TTC28: variants seen among roughly 807,000 people sequenced by gnomAD.
TTC28 encodes the protein tetratricopeptide repeat protein 28.
Under a neutral mutation model 198.0 loss-of-function variants are expected in TTC28, and 61 were observed. The observed-to-expected ratio is 0.31, with a 90% CI of 0.25 to 0.38. TTC28 has a LOEUF of 0.38. Among genes scored for constraint, TTC28 ranks in the 10% least tolerant of loss-of-function variants. The probability of loss-of-function intolerance (pLI) is 1.00; values close to 1 mark genes in which losing one functional copy is unlikely to be tolerated. For missense variants in TTC28, 2,678 were observed against 3,164.0 expected, an observed-to-expected ratio of 0.85 and a Z score of 3.69; for synonymous variants, 1,171 against 1,297.8, an observed-to-expected ratio of 0.90 and a Z score of 2.10.
At chr22:28,129,466 G>C (rs1254625452) in intron 6 of TTC28, among the ~76,000 whole-genome samples, 1 of 152,196 alleles carries the variant, frequency 6.6e-6, no homozygotes, top group Admixed American at 6.5e-5. Context: ...CTTGCAAAGA[G>C]CAGGAGCTTG....
intron 5 of TTC28, among the ~76,000 whole-genome samples, chr22:28,209,578 G>A (rs1029025300): frequency 2.0e-4 from 31 of 152,194 alleles, no homozygotes; most frequent in African/African-American, 6.3e-4. Flanking sequence ...AGGCAGCAGC[G>A]AGGCTGGGGG....
chr22:28,308,530 T>C (rs1453617227), intron 2 of TTC28, among the ~76,000 whole-genome samples: 1 of 152,138 alleles, frequency 6.6e-6, no homozygotes, highest in African/African-American at 2.4e-5. Context: ...AAAACATTAC[T>C]TACTTGAGAG....
At chr22:28,606,895 C>T (rs1042028156) in intron 2 of TTC28, among the ~76,000 whole-genome samples, 2 of 152,132 alleles carry the variant, frequency 1.3e-5, no homozygotes, top group African/African-American at 4.8e-5. Flanking sequence ...GGATTTAGTT[C>T]ATGGTGGTGA....
At chr22:28,283,325 TACACACACACACAC>T (rs35766225) in intron 5 of TTC28, among the ~76,000 whole-genome samples, 2 of 149,540 alleles carry the variant, frequency 1.3e-5, no homozygotes, top group African/African-American at 4.9e-5. Flanking sequence ...CTTTCTCTCT[TACACACACACACAC>T]ACACACACAC....
intron 2 of TTC28, among the ~76,000 whole-genome samples, chr22:28,427,880 T>C (rs1442949949): frequency 6.6e-6 from 1 of 152,118 alleles, no homozygotes; most frequent in African/African-American, 2.4e-5. Flanking sequence ...TCCTTTTTAA[T>C]TGTAGGACTT....
At chr22:28,003,394 G>C (rs1372870304) in intron 14 of TTC28, among the ~76,000 whole-genome samples, 1 of 152,192 alleles carries the variant, frequency 6.6e-6, no homozygotes, top group Non-Finnish European at 1.5e-5. Context: ...AGAATGGGTA[G>C]TGTGGGGCTT....
At chr22:28,380,564 T>C (rs951527134) in intron 2 of TTC28, among the ~76,000 whole-genome samples, 1 of 152,186 alleles carries the variant, frequency 6.6e-6, no homozygotes, top group Non-Finnish European at 1.5e-5. Context: ...CAGTCTCTTA[T>C]AATCAATCCT....
At chr22:28,174,310 C>A (rs1408812347) in intron 5 of TTC28, among the ~76,000 whole-genome samples, 1 of 152,116 alleles carries the variant, frequency 6.6e-6, no homozygotes, top group African/African-American at 2.4e-5. Context: ...CAATAAGATG[C>A]TCAAAAATTT....
intron 1 of TTC28, among the ~76,000 whole-genome samples, chr22:28,658,614 T>C (rs1187959557): frequency 2.0e-5 from 3 of 152,224 alleles, no homozygotes; most frequent in African/African-American, 4.8e-5. Context: ...ATAATGGTGA[T>C]AGTTGCACAA....
intron 2 of TTC28, among the ~76,000 whole-genome samples, chr22:28,468,156 A>C (rs1291525740): frequency 6.6e-6 from 1 of 152,126 alleles, no homozygotes; most frequent in East Asian, 1.9e-4. Context: ...AAAAGAAAAC[A>C]TCCTCAAAGA....
intron 13 of TTC28, among the ~76,000 whole-genome samples, chr22:28,018,263 GTGTGTGTGTGTGTGTA>G (rs1463476528): frequency 1.4e-5 from 2 of 138,958 alleles, no homozygotes. Flanking sequence ...GTGTGTGTGT[GTGTGTGTGTGTGTGTA>G]TGTGTGTGCG....
At chr22:28,308,731 C>A (rs2045194535) in intron 2 of TTC28, among the ~76,000 whole-genome samples, 1 of 152,112 alleles carries the variant, frequency 6.6e-6, no homozygotes. Flanking sequence ...AAGACTGGAC[C>A]ATGCCTCCCA....
intron 12 of TTC28, among the ~76,000 whole-genome samples, chr22:28,081,954 A>G (rs985014932): frequency 5.9e-5 from 9 of 152,172 alleles, no homozygotes; most frequent in African/African-American, 2.2e-4. Flanking sequence ...AGTTTTCAGT[A>G]TATGGGTCTT....
intron 5 of TTC28, among the ~76,000 whole-genome samples, chr22:28,274,984 A>G (rs1227579260): frequency 6.9e-6 from 1 of 145,674 alleles, no homozygotes; most frequent in African/African-American, 2.7e-5. Flanking sequence ...CTTAAAAAAA[A>G]AAAAAAAAAA....
chr22:28,218,957 T>TG (rs2147197724), intron 5 of TTC28, among the ~76,000 whole-genome samples: 1 of 128,090 alleles, frequency 7.8e-6, no homozygotes, highest in African/African-American at 2.9e-5. Context: ...ACCAACACAG[T>TG]AAAAAAAAAA....
chr22:28,010,335 G>A (rs1238154121), intron 14 of TTC28, among the ~76,000 whole-genome samples: 1 of 152,186 alleles, frequency 6.6e-6, no homozygotes, highest in Non-Finnish European at 1.5e-5. Context: ...AGGTTGTCCT[G>A]AAGCCAGCTA....
chr22:28,653,759 C>T (rs1035709131), intron 1 of TTC28, among the ~76,000 whole-genome samples: 3 of 152,126 alleles, frequency 2.0e-5, no homozygotes, highest in African/African-American at 7.2e-5. Flanking sequence ...AATAAGCCAG[C>T]TACTCCTTTT....
At chr22:28,586,667 C>G (rs1003959242) in intron 2 of TTC28, among the ~76,000 whole-genome samples, 2 of 152,074 alleles carry the variant, frequency 1.3e-5, no homozygotes, top group Non-Finnish European at 2.9e-5. Context: ...CTATGGGAAA[C>G]AAGACAGGAA....
chr22:28,593,530 T>A (rs773429418), intron 2 of TTC28, among the ~76,000 whole-genome samples: 1 of 152,122 alleles, frequency 6.6e-6, no homozygotes, highest in Non-Finnish European at 1.5e-5. Flanking sequence ...GGTGGATCGA[T>A]CAATCAATCG....
Sources: allele counts gnomAD v4.1 joint callset (sites outside exome capture counted in the v4.1 genomes callset), GRCh38; gene constraint gnomAD v4.1.1; transcripts MANE v1.5; gene names NCBI Gene and HGNC (gene_info 2026-07-23, HGNC 2026-07-21).